The following RNF220 variants were observed in gnomAD, a reference collection of about 807,000 sequenced individuals.
RNF220 encodes E3 ubiquitin-protein ligase RNF220.
RNF220 carries 7 observed loss-of-function variants against 67.1 expected under a neutral mutation model. The ratio of observed to expected loss-of-function variants is 0.10; its 90% CI spans 0.06 to 0.20. RNF220 has a LOEUF of 0.20. Ranked by LOEUF, RNF220 falls within the 10% of genes least tolerant of loss-of-function variation. The probability of loss-of-function intolerance (pLI) is 1.00; values close to 1 mark genes in which losing one functional copy is unlikely to be tolerated. For synonymous variants in RNF220, 270 were observed against 283.2 expected, an observed-to-expected ratio of 0.95 and a Z score of 0.47; for missense variants, 565 against 740.3, an observed-to-expected ratio of 0.76 and a Z score of 2.75.
At chr1:44,466,930 C>T (rs1340979371) in intron 2 of RNF220, among the ~76,000 whole-genome samples, 6 of 152,238 alleles carry the variant, frequency 3.9e-5, no homozygotes, top group Non-Finnish European at 7.3e-5. Flanking sequence ...GTGCATTATG[C>T]ACCTAACATG....
chr1:44,523,196 C>A (rs1317483798), intron 2 of RNF220, among the ~76,000 whole-genome samples: 1 of 152,246 alleles, frequency 6.6e-6, no homozygotes, highest in Non-Finnish European at 1.5e-5. Context: ...ACTGCCACAT[C>A]TGGGGAAGTC....
chr1:44,636,104 T>C lies in RNF220; in HGVS notation c.1068T>C (p.Tyr356=). ...EHENNNRFEE[Y]EWCGQKRIRA... ...AGAACAACAACCGCTTTGAGGAGTA[T>C]GAGTGGTGTGGACAGAAGCGGATAC... The change falls in exon 8 of 15, where the codon TAT becomes TAC. Residue 356 remains tyrosine, a synonymous_variant. Coordinates refer to ENST00000361799, the MANE Select transcript of RNF220 (RefSeq NM_018150.4). 3 of 1,614,118 alleles carry C rather than the reference T, an allele frequency of 1.9e-6. No individual in the cohort carries two copies. The highest frequency in any genetic ancestry group is 2.5e-6 in the Non-Finnish European group (3 of 1,179,978).
At chr1:44,585,162 G>T (rs552139625) in intron 2 of RNF220, among the ~76,000 whole-genome samples, 1 of 152,280 alleles carries the variant, frequency 6.6e-6, no homozygotes, top group South Asian at 2.1e-4. Context: ...GGCCCCGTGG[G>T]TTTCCTCTAG....
At chr1:44,545,746 T>A (rs1662079968) in intron 2 of RNF220, among the ~76,000 whole-genome samples, 1 of 148,186 alleles carries the variant, frequency 6.7e-6, no homozygotes, top group African/African-American at 2.6e-5. Context: ...AACCTCTTCA[T>A]CAGAAACCCA....
At chr1:44,473,475 G>A (rs1655002552) in intron 2 of RNF220, among the ~76,000 whole-genome samples, 1 of 111,854 alleles carries the variant, frequency 8.9e-6, no homozygotes, top group Non-Finnish European at 1.7e-5. Flanking sequence ...CCCCATCTCA[G>A]CTCATCAGGG....
intron 2 of RNF220, among the ~76,000 whole-genome samples, chr1:44,484,681 G>A (rs1294205696): frequency 1.3e-5 from 2 of 152,126 alleles, no homozygotes; most frequent in Admixed American, 6.5e-5. Flanking sequence ...GGGTCCCTCG[G>A]TATTGCTGTA....
At chr1:44,407,411 G>A (rs2147789858) in intron 1 of RNF220, among the ~76,000 whole-genome samples, 1 of 152,330 alleles carries the variant, frequency 6.6e-6, no homozygotes, top group African/African-American at 2.4e-5. Context: ...CCTGCAAAGG[G>A]GAATGAGCAG....
rs1643858243 is a variant in RNF220, at chr1:44,622,945, G to A, written c.804+158G>A. On this transcript the variant is annotated intron_variant, in intron 4 of 14. Coordinates refer to ENST00000361799, the MANE Select transcript of RNF220 (RefSeq NM_018150.4). The surrounding 1 kb of genome is among the most constrained non-coding windows in gnomAD (Gnocchi z 4.3). Reference sequence around the variant, plus strand: ...TCCAGGTCTTGAACATCATCCTGAGGCCTAGGGCTGCGCCGTGTGTGTGTG... The same window carrying A: ...TCCAGGTCTTGAACATCATCCTGAGACCTAGGGCTGCGCCGTGTGTGTGTG... 6.6e-6 allele frequency among the ~76,000 whole-genome samples: 1 copy of A among 152,076 alleles called. No individual in the cohort carries two copies. Among genetic ancestry groups the A allele is most frequent in the Non-Finnish European group, 1.5e-5 (1 of 68,024 alleles).
intron 2 of RNF220, among the ~76,000 whole-genome samples, chr1:44,470,485 A>G (rs1344205234): frequency 2.0e-5 from 3 of 152,222 alleles, no homozygotes; most frequent in Non-Finnish European, 4.4e-5. Flanking sequence ...AAATGGATAC[A>G]CACAATTCCC....
intron 2 of RNF220, among the ~76,000 whole-genome samples, chr1:44,564,715 G>GCA (rs1244831714): frequency 6.9e-6 from 1 of 144,444 alleles, no homozygotes. Context: ...TGGCACCATT[G>GCA]CACTCCAGCC....
At chr1:44,577,842 T>C (rs899051792) in intron 2 of RNF220, among the ~76,000 whole-genome samples, 16 of 151,588 alleles carry the variant, frequency 1.1e-4, no homozygotes, top group Non-Finnish European at 1.9e-4. Flanking sequence ...AAATGCCTTT[T>C]TTTTTTTTTT....
intron 2 of RNF220, among the ~76,000 whole-genome samples, chr1:44,485,761 G>A (rs186584803): frequency 6.6e-6 from 1 of 152,272 alleles, no homozygotes; most frequent in Non-Finnish European, 1.5e-5. Flanking sequence ...TGAGCGACAG[G>A]TTTAGGGCCT....
chr1:44,415,092 A>C (rs1478803838), intron 2 of RNF220, among the ~76,000 whole-genome samples: 1 of 148,102 alleles, frequency 6.8e-6, no homozygotes, highest in Non-Finnish European at 1.5e-5. Context: ...TTGATTGCGA[A>C]TTTTTGGAAG....
intron 2 of RNF220, among the ~76,000 whole-genome samples, chr1:44,520,703 A>G (rs1344076040): frequency 1.3e-5 from 2 of 152,206 alleles, no homozygotes; most frequent in African/African-American, 2.4e-5. Context: ...CATTCTGGAC[A>G]TAACAACTAC....
rs1648054538 is a variant in RNF220, at chr1:44,412,398, C to T, written c.301C>T (p.Pro101Ser). ...ACTACACCTCCACCCTCAATTTGCT[C>T]CCCCAAATCTAGATTGCACCCCAAT... ...SLLHLHPQFA[P>S]PNLDCTPISM... Residue 101 changes from proline to serine, a missense_variant, in exon 2 of 15, where the codon CCC becomes TCC. Pro to Ser is a moderately conservative substitution (Grantham distance 74, BLOSUM62 -1). Coordinates refer to ENST00000361799, the MANE Select transcript of RNF220 (RefSeq NM_018150.4). The surrounding 1 kb of genome is among the most constrained non-coding windows in gnomAD (Gnocchi z 5.3). 1 of 1,613,624 alleles carries T rather than the reference C, an allele frequency of 6.2e-7. No individual in the cohort carries two copies. Among genetic ancestry groups the T allele is most frequent in the South Asian group, 1.1e-5 (1 of 91,014 alleles).
Position 44,649,993 on chromosome 1 carries a change from C to T in RNF220, c.1629+36C>T. The T allele has an allele frequency of 6.3e-7, 1 of 1,599,636 alleles. No homozygotes were observed. The highest frequency in any genetic ancestry group is 8.5e-7 in the Non-Finnish European group (1 of 1,171,012). ...ATGGGGGTCGGGGAATGGGAGGCCG[C>T]TCCGGGCACTGCCCAGATGTCTGTG... On this transcript the variant is annotated intron_variant, in intron 14 of 14. Transcript: ENST00000361799. This position sits in a 1 kb window ranked among gnomAD's most constrained non-coding sequence, Gnocchi z 5.9.
At chr1:44,505,624 A>C (rs1658344007) in intron 2 of RNF220, among the ~76,000 whole-genome samples, 1 of 152,238 alleles carries the variant, frequency 6.6e-6, no homozygotes, top group Non-Finnish European at 1.5e-5. Context: ...GGAACGGGTT[A>C]AGGTACATGC....
At chr1:44,567,164 G>A (rs1244927085) in intron 2 of RNF220, among the ~76,000 whole-genome samples, 2 of 152,168 alleles carry the variant, frequency 1.3e-5, no homozygotes, top group African/African-American at 2.4e-5. Flanking sequence ...ATCAGGGTGC[G>A]GGAGGTGGGA....
intron 2 of RNF220, among the ~76,000 whole-genome samples, chr1:44,455,877 G>A (rs1490376352): frequency 6.6e-6 from 1 of 152,196 alleles, no homozygotes; most frequent in African/African-American, 2.4e-5. Context: ...GTCCCTGACT[G>A]ACACCTGAAC....
Sources: gnomAD v4.1 joint callset for allele counts (sites outside exome capture counted in the v4.1 genomes callset) on GRCh38, gnomAD v4.1.1 for gene constraint, Gnocchi (gnomAD v3.1) non-coding constraint, MANE v1.5 for transcripts, NCBI Gene and HGNC (gene_info 2026-07-23, HGNC 2026-07-21) for gene names.